Variants in THSD1 observed in about 807,000 individuals in gnomAD.
THSD1 encodes thrombospondin type-1 domain-containing protein 1.
THSD1 carries 34 observed loss-of-function variants against 46.3 expected under a neutral mutation model. That is an observed-to-expected ratio of 0.74 (90% CI 0.56 to 0.98). The LOEUF (loss-of-function observed/expected upper bound fraction) is 0.98, where lower values mean the gene tolerates loss of function less well. Among genes scored for constraint, THSD1 ranks in the 50% least tolerant of loss-of-function variants. The pLI is 0.00. For missense variants in THSD1, 1,023 were observed against 1,058.3 expected (o/e 0.97, Z 0.46); for synonymous variants, 407 against 416.5 (o/e 0.98, Z 0.28).
At chr13:52,391,703 C>T (rs946977155) in intron 3 of THSD1, among the ~76,000 whole-genome samples, 13 of 151,692 alleles carry the variant, frequency 8.6e-5, no homozygotes, top group Non-Finnish European at 5.9e-5. Context: ...GCCACCATGC[C>T]CGGCTAATTT....
At chr13:52,382,148 T>A (rs1263599335) in intron 4 of THSD1, among the ~76,000 whole-genome samples, 3 of 152,242 alleles carry the variant, frequency 2.0e-5, no homozygotes, top group Non-Finnish European at 4.4e-5. Context: ...CTCCATTGGC[T>A]GTCCCACGAC....
At chr13:52,384,951 G>A (rs1184789719) in intron 4 of THSD1, among the ~76,000 whole-genome samples, 1 of 152,028 alleles carries the variant, frequency 6.6e-6, no homozygotes, top group Non-Finnish European at 1.5e-5. Flanking sequence ...AAAAAAATAG[G>A]AGAAAGAATA....
chr13:52,390,960 A>G (rs969907718), intron 3 of THSD1, among the ~76,000 whole-genome samples: 1 of 152,122 alleles, frequency 6.6e-6, no homozygotes, highest in South Asian at 2.1e-4. Context: ...AAAAAATTAT[A>G]TGTATATATA....
At chr13:52,393,406 G>A (rs1013274394) in intron 3 of THSD1, among the ~76,000 whole-genome samples, 3 of 152,082 alleles carry the variant, frequency 2.0e-5, no homozygotes, top group African/African-American at 7.2e-5. Context: ...ATTATCCTAA[G>A]ATCCTCAGAC....
At chr13:52,405,388 G>C (rs1355057114) in intron 1 of THSD1, among the ~76,000 whole-genome samples, 1 of 152,234 alleles carries the variant, frequency 6.6e-6, no homozygotes, top group Admixed American at 6.5e-5. Context: ...CAGTTATTTT[G>C]TCCCTTCTGA....
At position 52,378,165 on chromosome 13, in the gene THSD1, C is replaced by G. The variant is rs1349050294; in HGVS notation, c.1805G>C (p.Arg602Thr). ...PEQPAVSAGE[R>T]PPSRLDLNVT... is the part of the protein sequence containing the mutation. Reference sequence around the variant, plus strand: ...ATTTAGATCCAGCCTGGAGGGAGGCCTTTCCCCGGCACTGACCGCGGGCTG... The same window carrying G: ...ATTTAGATCCAGCCTGGAGGGAGGCGTTTCCCCGGCACTGACCGCGGGCTG... Residue 602 changes from arginine to threonine, a missense_variant, in exon 5 of 5, where the codon AGG (arginine) becomes ACG (threonine). Around this residue, in one of 3 missense-constraint regions of THSD1, gnomAD observed 578 missense variants for 497.4 expected, o/e 1.16. Transcript: ENST00000258613. 5 of 1,614,068 alleles carry G rather than the reference C, an allele frequency of 3.1e-6. No homozygotes were observed. Among genetic ancestry groups the G allele is most frequent in the Non-Finnish European group, 3.4e-6 (4 of 1,180,038 alleles).
chr13:52,377,958 G>C lies in THSD1; in HGVS notation c.2012C>G (p.Ser671Cys). The part of the protein sequence containing the change: ...QARPFRERSM[S>C]TLTPRQAPAY... ...AGGGGCCTGCCGTGGAGTCAGAGTG[G>C]ACATGCTCCTCTCTCGGAACGGCCG... The change falls in exon 5 of 5, where the codon TCC becomes TGC. Residue 671 changes from serine to cysteine, a missense_variant. Ser to Cys is a moderately radical substitution (Grantham distance 112). Transcript: ENST00000258613. 3 of 1,614,190 alleles carry C rather than the reference G, an allele frequency of 1.9e-6. No individual in the cohort carries two copies. Among genetic ancestry groups the C allele is most frequent in the Non-Finnish European group, 2.5e-6 (3 of 1,180,044 alleles).
intron 2 of THSD1, among the ~76,000 whole-genome samples, chr13:52,399,675 C>A (rs757285454): frequency 6.6e-5 from 10 of 152,202 alleles, no homozygotes; most frequent in African/African-American, 2.4e-4. Flanking sequence ...TTGATTATCA[C>A]TTGTTTGAAA....
intron 1 of THSD1, among the ~76,000 whole-genome samples, chr13:52,405,073 G>A (rs1957896781): frequency 6.6e-6 from 1 of 152,110 alleles, no homozygotes; most frequent in Non-Finnish European, 1.5e-5. Flanking sequence ...TGTTTGCATT[G>A]AGAATTGTTC....
intron 3 of THSD1, among the ~76,000 whole-genome samples, chr13:52,394,602 A>G (rs61958018): frequency 0.049 from 7,431 of 151,562 alleles, 207 homozygotes; most frequent in South Asian, 0.068. Flanking sequence ...CAACAGAGCA[A>G]GACTGTCCCA....
intron 4 of THSD1, among the ~76,000 whole-genome samples, chr13:52,380,634 G>C (rs2137724308): frequency 6.6e-6 from 1 of 151,542 alleles, no homozygotes; most frequent in Admixed American, 6.6e-5. Context: ...ATTTTTAGTA[G>C]AGATGGGGTT....
intron 4 of THSD1, among the ~76,000 whole-genome samples, chr13:52,379,605 G>T (rs1189102163): frequency 6.6e-6 from 1 of 152,106 alleles, no homozygotes; most frequent in South Asian, 2.1e-4. Context: ...CTCCTGAGTA[G>T]CTGGAACTAT....
intron 1 of THSD1, 68 bp from the exon 2 acceptor site, chr13:52,402,749 G>A: frequency 7.1e-7 from 1 of 1,415,368 alleles, no homozygotes; most frequent in South Asian, 1.6e-5. Context: ...ATCATTAAAT[G>A]ACAAAACCAT....
intron 4 of THSD1, chr13:52,384,435 G>A (rs1270555287): frequency 2.2e-6 from 1 of 455,886 alleles, no homozygotes; most frequent in Non-Finnish European, 4.4e-6. Context: ...CTGCAATGTG[G>A]AAATAAGAAT....
chr13:52,399,678 G>GATAATCATATAGGATA (rs1957838745), intron 2 of THSD1, among the ~76,000 whole-genome samples: 1 of 152,284 alleles, frequency 6.6e-6, no homozygotes, highest in Non-Finnish European at 1.5e-5. Context: ...ATTATCACTT[G>GATAATCATATAGGATA]TTTGAAAACC....
intron 2 of THSD1, among the ~76,000 whole-genome samples, chr13:52,402,082 G>A (rs796069542): frequency 5.9e-5 from 9 of 152,294 alleles, no homozygotes; most frequent in African/African-American, 2.2e-4. Context: ...GATTGAAAGA[G>A]ATTAAGAAAC....
chr13:52,381,604 T>C (rs116933183), intron 4 of THSD1, among the ~76,000 whole-genome samples: 1 of 152,272 alleles, frequency 6.6e-6, no homozygotes, highest in East Asian at 1.9e-4. Flanking sequence ...ATTTACCTTT[T>C]TTCCACATAA....
chr13:52,398,884 T>C (rs576889621), intron 2 of THSD1, among the ~76,000 whole-genome samples: 1 of 152,192 alleles, frequency 6.6e-6, no homozygotes, highest in Admixed American at 6.5e-5. Flanking sequence ...AATGACACAA[T>C]ACAAATTGTT....
At chr13:52,400,580 C>A (rs1340378441) in intron 2 of THSD1, among the ~76,000 whole-genome samples, 5 of 152,042 alleles carry the variant, frequency 3.3e-5, no homozygotes, top group Non-Finnish European at 7.4e-5. Context: ...CCCGGGCCGA[C>A]AACAGCGAGA....
Sources: gnomAD v4.1 joint callset for allele counts (sites outside exome capture counted in the v4.1 genomes callset) on GRCh38, gnomAD v4.1.1 for gene constraint, gnomAD v4.1.1 regional missense constraint, MANE v1.5 for transcripts, NCBI Gene and HGNC (gene_info 2026-07-23, HGNC 2026-07-21) for gene names.